The following EXOC4 variants were observed in gnomAD, a reference collection of about 807,000 sequenced individuals.
EXOC4 encodes the protein exocyst complex component 4.
Under a neutral mutation model 107.2 loss-of-function variants are expected in EXOC4, and 71 were observed. The ratio of observed to expected loss-of-function variants is 0.66; its 90% CI spans 0.55 to 0.81. The LOEUF (loss-of-function observed/expected upper bound fraction) is 0.81, where lower values mean the gene tolerates loss of function less well. Among genes scored for constraint, EXOC4 ranks in the 30% least tolerant of loss-of-function variants. The pLI is 0.00. For synonymous variants in EXOC4, 456 were observed against 441.2 expected, an observed-to-expected ratio of 1.03 and a Z score of -0.42; for missense variants, 1,108 against 1,189.6, an observed-to-expected ratio of 0.93 and a Z score of 1.01.
At chr7:134,059,597 T>C (rs1375557466) in intron 17 of EXOC4, among the ~76,000 whole-genome samples, 1 of 152,208 alleles carries the variant, frequency 6.6e-6, no homozygotes, top group Non-Finnish European at 1.5e-5. Flanking sequence ...GGCAGCATTG[T>C]CAAGTGTCCT....
At chr7:133,691,705 G>A (rs1017877890) in intron 10 of EXOC4, among the ~76,000 whole-genome samples, 2 of 152,116 alleles carry the variant, frequency 1.3e-5, no homozygotes, top group African/African-American at 4.8e-5. Context: ...GAAATCACCA[G>A]GGAGTAATAC....
intron 1 of EXOC4, among the ~76,000 whole-genome samples, chr7:133,273,534 C>T (rs759366062): frequency 2.6e-5 from 4 of 152,124 alleles, no homozygotes; most frequent in Non-Finnish European, 5.9e-5. Flanking sequence ...CCTGCCATCC[C>T]CCTACCCGTA....
intron 11 of EXOC4, among the ~76,000 whole-genome samples, chr7:133,856,088 C>T (rs1472353550): frequency 6.6e-6 from 1 of 152,212 alleles, no homozygotes; most frequent in Non-Finnish European, 1.5e-5. Context: ...AGAAACTGCC[C>T]TGTGTCATTA....
intron 7 of EXOC4, among the ~76,000 whole-genome samples, chr7:133,382,541 T>C (rs554406546): frequency 2.6e-4 from 40 of 152,268 alleles, no homozygotes; most frequent in African/African-American, 8.7e-4. Context: ...CATGTACTTG[T>C]TGGAGGAGTG....
At chr7:133,673,920 A>G (rs746492777) in intron 10 of EXOC4, among the ~76,000 whole-genome samples, 2 of 152,306 alleles carry the variant, frequency 1.3e-5, no homozygotes, top group Admixed American at 6.5e-5. Flanking sequence ...TGTTAAAGCC[A>G]CTCACAGTCC....
intron 5 of EXOC4, among the ~76,000 whole-genome samples, chr7:133,333,505 T>C (rs1490097770): frequency 6.6e-6 from 1 of 152,128 alleles, no homozygotes; most frequent in East Asian, 1.9e-4. Flanking sequence ...TTGCTGCTGG[T>C]GTAATGTTGC....
At chr7:133,681,402 TTC>T (rs1794183932) in intron 10 of EXOC4, among the ~76,000 whole-genome samples, 1 of 152,080 alleles carries the variant, frequency 6.6e-6, no homozygotes, top group Non-Finnish European at 1.5e-5. Flanking sequence ...TAAATAAATG[TTC>T]TCTCTGTATC....
chr7:133,407,934 A>C (rs887707763), intron 7 of EXOC4, among the ~76,000 whole-genome samples: 4 of 152,180 alleles, frequency 2.6e-5, no homozygotes, highest in African/African-American at 7.2e-5. Flanking sequence ...ACCTGTGGTT[A>C]AAAATGGTCA....
intron 9 of EXOC4, among the ~76,000 whole-genome samples, chr7:133,533,294 T>C (rs527553722): frequency 6.6e-6 from 1 of 152,284 alleles, no homozygotes; most frequent in African/African-American, 2.4e-5. Flanking sequence ...AATATACTTC[T>C]CTAATTTATT....
intron 7 of EXOC4, among the ~76,000 whole-genome samples, chr7:133,430,738 G>A (rs1368624203): frequency 6.6e-6 from 1 of 152,046 alleles, no homozygotes. Flanking sequence ...CGCATATTGG[G>A]CATATTATTT....
At chr7:133,853,293 C>T (rs1285686008) in intron 11 of EXOC4, among the ~76,000 whole-genome samples, 3 of 151,220 alleles carry the variant, frequency 2.0e-5, no homozygotes, top group South Asian at 2.1e-4. Context: ...GTCTGTCCCT[C>T]GCCCTCTCTT....
At chr7:133,638,245 A>G (rs1802761254) in intron 10 of EXOC4, among the ~76,000 whole-genome samples, 1 of 152,196 alleles carries the variant, frequency 6.6e-6, no homozygotes, top group Non-Finnish European at 1.5e-5. Context: ...GGCAGCAGAA[A>G]TAGGAAAGCT....
chr7:133,643,556 T>A (rs1802912422), intron 10 of EXOC4, among the ~76,000 whole-genome samples: 2 of 152,038 alleles, frequency 1.3e-5, no homozygotes, highest in South Asian at 2.1e-4. Flanking sequence ...CCCATACACA[T>A]CTCCTGAGAT....
intron 10 of EXOC4, among the ~76,000 whole-genome samples, chr7:133,784,664 T>C (rs140759352): frequency 4.9e-4 from 75 of 152,276 alleles, no homozygotes; most frequent in African/African-American, 1.8e-3. Context: ...AATTATCCCA[T>C]TAAAGAGAGA....
chr7:133,936,336 C>T (rs1219720510), intron 13 of EXOC4, among the ~76,000 whole-genome samples: 3 of 152,250 alleles, frequency 2.0e-5, no homozygotes, highest in Non-Finnish European at 4.4e-5. Flanking sequence ...TGATTCACAG[C>T]AGTTGTTTCT....
At chr7:133,612,157 T>TTA (rs1045005638) in intron 9 of EXOC4, among the ~76,000 whole-genome samples, 1 of 152,046 alleles carries the variant, frequency 6.6e-6, no homozygotes, top group Non-Finnish European at 1.5e-5. Flanking sequence ...ACTCAGACAT[T>TTA]TATATATATA....
chr7:133,994,868 A>C (rs189786469), intron 14 of EXOC4, among the ~76,000 whole-genome samples: 1 of 152,036 alleles, frequency 6.6e-6, no homozygotes, highest in African/African-American at 2.4e-5. Flanking sequence ...TTCATTTGAC[A>C]TTGAAGAGCT....
intron 10 of EXOC4, among the ~76,000 whole-genome samples, chr7:133,770,142 T>C: frequency 6.6e-6 from 1 of 152,082 alleles, no homozygotes; most frequent in East Asian, 1.9e-4. Context: ...TTTATAATCA[T>C]AATATTAGTT....
chr7:133,538,851 GAAAGAA>G (rs750985393), intron 9 of EXOC4, among the ~76,000 whole-genome samples: 3,327 of 32,388 alleles, frequency 0.1, 56 homozygotes, highest in Non-Finnish European at 0.13. Flanking sequence ...AAGAAAGAAA[GAAAGAA>G]AGAGAGAGAG....
Sources: gnomAD v4.1 joint callset for allele counts (sites outside exome capture counted in the v4.1 genomes callset) on GRCh38, gnomAD v4.1.1 for gene constraint, MANE v1.5 for transcripts, NCBI Gene and HGNC (gene_info 2026-07-23, HGNC 2026-07-21) for gene names.